Variants in SUCLG2 observed in about 807,000 individuals in gnomAD.
The protein encoded by SUCLG2 is succinate--CoA ligase [GDP-forming] subunit beta, mitochondrial.
SUCLG2 carries 42 observed loss-of-function variants against 47.9 expected under a neutral mutation model. The observed-to-expected ratio is 0.88, with a 90% confidence interval of 0.69 to 1.14. SUCLG2 has a LOEUF of 1.14. Among genes scored for constraint, SUCLG2 ranks in the 50% most tolerant of loss-of-function variants. The pLI, the probability that SUCLG2 is intolerant of heterozygous loss-of-function variation, is 0.00. For missense variants in SUCLG2, 571 were observed against 525.9 expected (o/e 1.09, Z -0.84); for synonymous variants, 195 against 197.3 (o/e 0.99, Z 0.10).
Position 67,375,760 on chromosome 3 carries a change from C to T in SUCLG2, c.1283G>A (p.Ser428Asn). ...ACAAAGACATCACTTCTTGGCCACACTGGCCACAGCCTTCTTGGCTGCATC... is the reference window on the plus strand; with the variant it reads ...ACAAAGACATCACTTCTTGGCCACATTGGCCACAGCCTTCTTGGCTGCATC... ...LEDAAKKAVA[S>N]VAKK is the part of the protein sequence containing the mutation. Residue 428 changes from serine to asparagine, a missense_variant, in exon 11 of 11, where the codon AGT becomes AAT. By Grantham distance (46) the Ser-to-Asn change is conservative. Coordinates refer to ENST00000307227, the MANE Select transcript of SUCLG2 (RefSeq NM_003848.4). 5.0e-6 allele frequency: 8 copies of T among 1,613,424 alleles called. No homozygotes were observed. The highest frequency in any genetic ancestry group is 1.3e-5 in the African/African-American group (1 of 75,048).
At chr3:67,515,122 G>T (rs1171796977) in intron 6 of SUCLG2, among the ~76,000 whole-genome samples, 1 of 152,138 alleles carries the variant, frequency 6.6e-6, no homozygotes, top group East Asian at 1.9e-4. Context: ...GTACAATGAG[G>T]TATTTTGAGA....
chr3:67,458,382 T>G (rs149135361), intron 9 of SUCLG2, among the ~76,000 whole-genome samples: 10 of 152,326 alleles, frequency 6.6e-5, no homozygotes, highest in African/African-American at 2.4e-4. Context: ...TTATCCAATT[T>G]GAATAACGCC....
chr3:67,538,286 A>C (rs938925904), intron 2 of SUCLG2, among the ~76,000 whole-genome samples: 7 of 152,212 alleles, frequency 4.6e-5, no homozygotes, highest in African/African-American at 1.7e-4. Flanking sequence ...TTTTCTGCAT[A>C]TGGCTTACCA....
intron 9 of SUCLG2, among the ~76,000 whole-genome samples, chr3:67,470,712 G>C (rs1229242973): frequency 6.6e-6 from 1 of 152,174 alleles, no homozygotes; most frequent in Non-Finnish European, 1.5e-5. Context: ...CATGCTCCTG[G>C]ACCTCCCAGC....
chr3:67,549,284 T>C (rs1391317596), intron 2 of SUCLG2, among the ~76,000 whole-genome samples: 2 of 152,156 alleles, frequency 1.3e-5, no homozygotes, highest in Admixed American at 1.3e-4. Context: ...AAAACGACTA[T>C]CTTTAACCAA....
At position 67,454,819 on chromosome 3, in the gene SUCLG2, G is replaced by A. The variant is rs561346258; in HGVS notation, c.1062+40979C>T. On this transcript the variant is annotated intron_variant, in intron 9 of 10. Coordinates refer to ENST00000307227, the MANE Select transcript of SUCLG2 (RefSeq NM_003848.4). ...CTACTAAAAATACAAAAAATTAGCC[G>A]GGCATGGTAGTGGGCACCTATAGTC... Among the ~76,000 whole-genome samples, 390 of 152,086 alleles carry A rather than the reference G, an allele frequency of 2.6e-3. 1 individual carries two copies. Among genetic ancestry groups the A allele is most frequent in the African/African-American group, 8.9e-3 (368 of 41,492 alleles).
intron 8 of SUCLG2, among the ~76,000 whole-genome samples, chr3:67,497,805 T>C (rs1705385648): frequency 6.6e-6 from 1 of 152,184 alleles, no homozygotes; most frequent in Admixed American, 6.5e-5. Context: ...TTTTAATTTA[T>C]TGATTTACAT....
chr3:67,443,196 G>A (rs183504826), intron 9 of SUCLG2, among the ~76,000 whole-genome samples: 2 of 152,218 alleles, frequency 1.3e-5, no homozygotes, highest in Admixed American at 1.3e-4. Flanking sequence ...GTTATATCAG[G>A]GACTTGAGCA....
At chr3:67,391,730 T>A (rs1702387780) in intron 10 of SUCLG2, among the ~76,000 whole-genome samples, 1 of 152,158 alleles carries the variant, frequency 6.6e-6, no homozygotes, top group Non-Finnish European at 1.5e-5. Flanking sequence ...GTGGAATTGT[T>A]CTGGGCAGAG....
At chr3:67,419,265 C>A (rs1703101176) in intron 9 of SUCLG2, among the ~76,000 whole-genome samples, 1 of 152,178 alleles carries the variant, frequency 6.6e-6, no homozygotes, top group Non-Finnish European at 1.5e-5. Context: ...ATACGCTTAT[C>A]ACACCCCACT....
chr3:67,466,824 G>C (rs958630342), intron 9 of SUCLG2, among the ~76,000 whole-genome samples: 1 of 152,168 alleles, frequency 6.6e-6, no homozygotes, highest in Non-Finnish European at 1.5e-5. Context: ...GAAACGTATG[G>C]ACAGTAAGGT....
chr3:67,397,756 C>G (rs80247680), intron 10 of SUCLG2, among the ~76,000 whole-genome samples: 4 of 152,168 alleles, frequency 2.6e-5, no homozygotes, highest in Non-Finnish European at 5.9e-5. Flanking sequence ...ATCACGCTAC[C>G]TCAGTTGAAA....
At chr3:67,397,514 A>G (rs1265438645) in intron 10 of SUCLG2, among the ~76,000 whole-genome samples, 3 of 152,382 alleles carry the variant, frequency 2.0e-5, no homozygotes, top group Admixed American at 2.0e-4. Context: ...TCAATGAAAT[A>G]AAAGATGATA....
chr3:67,392,822 C>CT (rs528045600), intron 10 of SUCLG2, among the ~76,000 whole-genome samples: 20,652 of 149,860 alleles, frequency 0.14, 1,997 homozygotes, highest in African/African-American at 0.27. Context: ...AGTCACTGTA[C>CT]TTTTTTTTTT....
At position 67,493,664 on chromosome 3, in the gene SUCLG2, G is replaced by A. The variant is rs1387189373; in HGVS notation, c.1062+2134C>T. Reference sequence around the variant, plus strand: ...TCCTTTGCACAGAGTTTCAGTAGACGCTAAAAGTTCAGTATTTTATTACAA... The same window carrying A: ...TCCTTTGCACAGAGTTTCAGTAGACACTAAAAGTTCAGTATTTTATTACAA... On this transcript the variant is annotated intron_variant, in intron 9 of 10. Coordinates refer to ENST00000307227, the MANE Select transcript of SUCLG2 (RefSeq NM_003848.4). 3.3e-5 allele frequency among the ~76,000 whole-genome samples: 5 copies of A among 152,134 alleles called. No homozygotes were observed. The South Asian group carries it at 8.3e-4, about 25-fold the overall frequency.
chr3:67,605,527 A>T (rs1362090523), intron 2 of SUCLG2, among the ~76,000 whole-genome samples: 1 of 152,160 alleles, frequency 6.6e-6, no homozygotes, highest in African/African-American at 2.4e-5. Context: ...TTCGGGAAGG[A>T]TTACTCATTC....
chr3:67,499,016 A>C (rs1705424290), intron 7 of SUCLG2, among the ~76,000 whole-genome samples: 1 of 152,178 alleles, frequency 6.6e-6, no homozygotes, highest in Non-Finnish European at 1.5e-5. Flanking sequence ...ATTGTGCAAT[A>C]TGAACGAAGT....
chr3:67,580,119 T>C (rs1026479195), intron 2 of SUCLG2, among the ~76,000 whole-genome samples: 1 of 152,240 alleles, frequency 6.6e-6, no homozygotes, highest in African/African-American at 2.4e-5. Flanking sequence ...ACTATACAAC[T>C]ATATCCTAAT....
chr3:67,486,613 A>C (rs1441348820), intron 9 of SUCLG2, among the ~76,000 whole-genome samples: 3 of 152,198 alleles, frequency 2.0e-5, no homozygotes, highest in Admixed American at 2.0e-4. Context: ...CAGCATTATT[A>C]ACTCATGCCG....
Sources: gnomAD v4.1 joint callset for allele counts (sites outside exome capture counted in the v4.1 genomes callset) on GRCh38, gnomAD v4.1.1 for gene constraint, MANE v1.5 for transcripts, NCBI Gene and HGNC (gene_info 2026-07-23, HGNC 2026-07-21) for gene names.